HDAC9: variants seen among roughly 807,000 people sequenced by gnomAD.
The protein encoded by HDAC9 is histone deacetylase 9, also known as MEF-2 interacting transcription repressor (MITR) protein.
HDAC9 carries 41 observed loss-of-function variants against 139.4 expected under a neutral mutation model. The ratio of observed to expected loss-of-function variants is 0.29; its 90% CI spans 0.23 to 0.38. The LOEUF (loss-of-function observed/expected upper bound fraction) is 0.38. Among genes scored for constraint, HDAC9 ranks in the 10% least tolerant of loss-of-function variants. HDAC9 has a pLI of 1.00. For missense variants in HDAC9, 1,147 were observed against 1,297.0 expected, an observed-to-expected ratio of 0.88 and a Z score of 1.78; for synonymous variants, 517 against 476.2, an observed-to-expected ratio of 1.09 and a Z score of -1.12.
chr7:18,413,397 A>G (rs931918737), intron 1 of HDAC9, among the ~76,000 whole-genome samples: 1 of 152,150 alleles, frequency 6.6e-6, no homozygotes, highest in Non-Finnish European at 1.5e-5. Context: ...CTGGATCCCT[A>G]AGGATTCACC....
At chr7:18,602,299 C>A (rs572032160) in intron 6 of HDAC9, among the ~76,000 whole-genome samples, 2 of 152,024 alleles carry the variant, frequency 1.3e-5, no homozygotes, top group South Asian at 4.1e-4. Flanking sequence ...ATAGTTATGA[C>A]CCCTCTTTCA....
chr7:18,686,132 C>CA, intron 12 of HDAC9, among the ~76,000 whole-genome samples: 1 of 152,110 alleles, frequency 6.6e-6, no homozygotes, highest in East Asian at 1.9e-4. Context: ...CTTGGAGTCT[C>CA]AGTCAATTTG....
chr7:18,274,235 A>G (rs1796570175), intron 2 of HDAC9, among the ~76,000 whole-genome samples: 1 of 152,182 alleles, frequency 6.6e-6, no homozygotes, highest in South Asian at 2.1e-4. Context: ...TGGATAATTT[A>G]TTTTTAAAAA....
At chr7:18,605,318 G>C (rs1835156837) in intron 6 of HDAC9, among the ~76,000 whole-genome samples, 1 of 152,104 alleles carries the variant, frequency 6.6e-6, no homozygotes, top group Non-Finnish European at 1.5e-5. Context: ...GCCTGACTTT[G>C]TATGCTGTGA....
intron 7 of HDAC9, among the ~76,000 whole-genome samples, chr7:18,631,753 C>T (rs1332616964): frequency 6.6e-6 from 1 of 151,880 alleles, no homozygotes; most frequent in African/African-American, 2.4e-5. Context: ...CCTGCAATGC[C>T]TTCTCTGCCA....
chr7:18,375,039 T>C (rs1329930417), intron 1 of HDAC9, among the ~76,000 whole-genome samples: 4 of 152,250 alleles, frequency 2.6e-5, no homozygotes, highest in Admixed American at 2.0e-4. Context: ...CTGGTTTATG[T>C]ATTTACTATA....
At chr7:18,212,885 T>C (rs894803390) in intron 2 of HDAC9, among the ~76,000 whole-genome samples, 2 of 152,214 alleles carry the variant, frequency 1.3e-5, no homozygotes, top group African/African-American at 4.8e-5. Flanking sequence ...GTCCTAAAAA[T>C]ACACTTCCAG....
At chr7:18,548,468 A>G (rs1204161679) in intron 2 of HDAC9, among the ~76,000 whole-genome samples, 1 of 152,244 alleles carries the variant, frequency 6.6e-6, no homozygotes. Flanking sequence ...GAGGAAAAAT[A>G]TCTACAAAGC....
chr7:18,913,382 CTGA>C (rs1802906043), intron 22 of HDAC9, among the ~76,000 whole-genome samples: 1 of 152,088 alleles, frequency 6.6e-6, no homozygotes, highest in Non-Finnish European at 1.5e-5. Flanking sequence ...GGCAATCTAT[CTGA>C]TGATTATTTA....
chr7:18,102,904 G>T (rs1203783563), intron 1 of HDAC9, among the ~76,000 whole-genome samples: 2 of 152,228 alleles, frequency 1.3e-5, no homozygotes, highest in African/African-American at 4.8e-5. Flanking sequence ...AAGGATGCCA[G>T]CACTTTAAGA....
chr7:18,159,496 T>C (rs537793976), intron 1 of HDAC9, among the ~76,000 whole-genome samples: 6 of 152,324 alleles, frequency 3.9e-5, no homozygotes, highest in African/African-American at 1.4e-4. Flanking sequence ...TTAATTTGTA[T>C]AAAATTATAT....
intron 17 of HDAC9, among the ~76,000 whole-genome samples, chr7:18,828,258 C>A (rs1294645990): frequency 6.6e-6 from 1 of 152,146 alleles, no homozygotes; most frequent in Non-Finnish European, 1.5e-5. Flanking sequence ...TATAAAACAG[C>A]ATTAACATGC....
At chr7:18,545,483 C>T (rs1289749034) in intron 2 of HDAC9, among the ~76,000 whole-genome samples, 3 of 151,990 alleles carry the variant, frequency 2.0e-5, no homozygotes, top group African/African-American at 7.3e-5. Flanking sequence ...CTTGACAACT[C>T]AAGAAACTCA....
At chr7:18,863,376 C>T (rs2129236228) in intron 21 of HDAC9, among the ~76,000 whole-genome samples, 1 of 152,268 alleles carries the variant, frequency 6.6e-6, no homozygotes, top group East Asian at 1.9e-4. Context: ...TGAACGTGGC[C>T]CAGGATGGCT....
chr7:18,706,584 G>A (rs541965263), intron 12 of HDAC9, among the ~76,000 whole-genome samples: 2 of 152,326 alleles, frequency 1.3e-5, no homozygotes, highest in South Asian at 4.1e-4. Context: ...CCTTGGCAAA[G>A]CTCACAGTTG....
chr7:18,655,665 A>G (rs1251419464), intron 11 of HDAC9, among the ~76,000 whole-genome samples: 3 of 152,194 alleles, frequency 2.0e-5, no homozygotes, highest in Admixed American at 1.3e-4. Flanking sequence ...TCAGTGGATT[A>G]ATGTGCAGCA....
Position 18,451,429 on chromosome 7 carries a change from A to ATATATGTGTGTGTGTGTGTATATATATG in HDAC9, c.-41-44832_-41-44831insATATGTGTGTGTGTGTGTATATATATGT, listed in dbSNP as rs1563001366. ...TATATGTGTGTGTGTGTGTATATAT[A>ATATATGTGTGTGTGTGTGTATATATATG]TGTGTGTGTGTGTGTGTGTATATGT... On this transcript the variant is annotated intron_variant, in intron 1 of 3. Coordinates refer to the HDAC9 transcript ENST00000413509. Among the ~76,000 whole-genome samples the ATATATGTGTGTGTGTGTGTATATATATG allele has an allele frequency of 1.2e-3, 159 of 137,704 alleles. 2 individuals carry two copies. Among genetic ancestry groups the ATATATGTGTGTGTGTGTGTATATATATG allele is most frequent in the African/African-American group, 3.5e-3 (130 of 36,682 alleles). The allele number at this position is 137,704 out of a possible 152,430, so 90.3% of individuals were successfully genotyped here.
chr7:18,312,619 C>T (rs117243629), intron 1 of HDAC9, among the ~76,000 whole-genome samples: 2,285 of 152,170 alleles, frequency 0.015, 27 homozygotes, highest in Non-Finnish European at 0.026. Context: ...TCTGAGTCCT[C>T]TATATGGTCT....
At chr7:18,544,659 T>C (rs1814166371) in intron 2 of HDAC9, among the ~76,000 whole-genome samples, 1 of 152,042 alleles carries the variant, frequency 6.6e-6, no homozygotes, top group African/African-American at 2.4e-5. Context: ...ACAACAAAGA[T>C]GAGTATGAGT....
Sources: gnomAD v4.1 joint callset for allele counts (sites outside exome capture counted in the v4.1 genomes callset) on GRCh38, gnomAD v4.1.1 for gene constraint, MANE v1.5 for transcripts, NCBI Gene and HGNC (gene_info 2026-07-23, HGNC 2026-07-21) for gene names.